Variants in ZDHHC21 observed in about 807,000 individuals in gnomAD.
The protein encoded by ZDHHC21 is zDHHC palmitoyltransferase 21, also known as palmitoyltransferase ZDHHC21.
Under a neutral mutation model 34.6 loss-of-function variants are expected in ZDHHC21, and 15 were observed. That is an observed-to-expected ratio of 0.43 (90% CI 0.29 to 0.67). ZDHHC21 has a LOEUF of 0.67. ZDHHC21 is among the 30% of genes least tolerant of loss of function. The pLI, the probability that ZDHHC21 is intolerant of heterozygous loss-of-function variation, is 0.14. For synonymous variants in ZDHHC21, 142 were observed against 101.8 expected, an observed-to-expected ratio of 1.40 and a Z score of -2.38; for missense variants, 344 against 327.7, an observed-to-expected ratio of 1.05 and a Z score of -0.38.
intron 7 of ZDHHC21, among the ~76,000 whole-genome samples, chr9:14,654,803 T>A (rs1302316868): frequency 6.6e-6 from 1 of 151,718 alleles, no homozygotes; most frequent in Admixed American, 6.6e-5. Context: ...ATAGGAAATA[T>A]CCAGAATGAA....
chr9:14,645,469 G>A (rs768166272), intron 7 of ZDHHC21, among the ~76,000 whole-genome samples: 2 of 152,058 alleles, frequency 1.3e-5, no homozygotes, highest in South Asian at 2.1e-4. Context: ...AGGTAGAAAT[G>A]GGAAAGACAG....
the ZDHHC21 span, among the ~76,000 whole-genome samples, chr9:14,595,758 G>A: frequency 4.6e-5 from 7 of 152,092 alleles, no homozygotes; most frequent in African/African-American, 1.4e-4. Flanking sequence ...TCCATTGGCT[G>A]CAAATGCCAT....
rs1036265369 is a variant in ZDHHC21, at chr9:14,615,514, A to T, written c.*3452T>A. 1 of 151,774 alleles carries T rather than the reference A, an allele frequency of 6.6e-6. No individual in the cohort carries two copies. Among genetic ancestry groups the T allele is most frequent in the African/African-American group, 2.4e-5 (1 of 41,424 alleles). The allele number at this position is 151,774 out of a possible 1,614,324, so 9.4% of individuals were successfully genotyped here. Reference sequence around the variant, plus strand: ...CAGCTATTTCTAATGTTAAGCACAAATATTTGTAATACAACTCTTAAGCAA... The same window carrying T: ...CAGCTATTTCTAATGTTAAGCACAATTATTTGTAATACAACTCTTAAGCAA... On this transcript the variant is annotated 3_prime_UTR_variant, in exon 10 of 10. Transcript: ENST00000380916.
chr9:14,609,200 G>A (rs1205884440), downstream of ZDHHC21, among the ~76,000 whole-genome samples: 1 of 152,026 alleles, frequency 6.6e-6, no homozygotes, highest in Non-Finnish European at 1.5e-5. Context: ...TTTTACTAAA[G>A]CTTGTTCTTG....
intron 7 of ZDHHC21, among the ~76,000 whole-genome samples, chr9:14,640,605 C>T (rs1198263369): frequency 1.3e-5 from 2 of 151,996 alleles, no homozygotes; most frequent in African/African-American, 2.4e-5. Context: ...CATTGTGTTA[C>T]GTAACAGAAA....
At chr9:14,606,187 A>AT (rs927882396), downstream of ZDHHC21, among the ~76,000 whole-genome samples, 57 of 152,276 alleles carry the variant, frequency 3.7e-4, no homozygotes, top group African/African-American at 1.3e-3. Flanking sequence ...CCCATCCTAT[A>AT]TACTTTTCCT....
chr9:14,597,154 G>C, the ZDHHC21 span, among the ~76,000 whole-genome samples: 1 of 152,052 alleles, frequency 6.6e-6, no homozygotes, highest in Non-Finnish European at 1.5e-5. Flanking sequence ...TTTTGGATGT[G>C]TCCCACACAC....
At chr9:14,636,743 T>C (rs1038776885) in intron 8 of ZDHHC21, among the ~76,000 whole-genome samples, 1 of 151,894 alleles carries the variant, frequency 6.6e-6, no homozygotes, top group Non-Finnish European at 1.5e-5. Context: ...TAAAAATCAA[T>C]AACAGGAGGA....
the ZDHHC21 span, among the ~76,000 whole-genome samples, chr9:14,599,546 G>A: frequency 6.6e-6 from 1 of 151,830 alleles, no homozygotes; most frequent in African/African-American, 2.4e-5. Flanking sequence ...TGAGCTAGCT[G>A]CAGGAGTTTT....
intron 6 of ZDHHC21, among the ~76,000 whole-genome samples, chr9:14,661,722 A>T (rs10125223): frequency 0.82 from 124,708 of 152,266 alleles, 51,542 homozygotes; most frequent in African/African-American, 0.92. Context: ...ACTTCCAACA[A>T]GTACATAATG....
chr9:14,603,765 TTTA>T, the ZDHHC21 span, among the ~76,000 whole-genome samples: 1 of 152,154 alleles, frequency 6.6e-6, no homozygotes, highest in Non-Finnish European at 1.5e-5. Flanking sequence ...ATCGCTGCTC[TTTA>T]TTAAGAAACA....
At chr9:14,602,908 CAGAG>C in the ZDHHC21 span, among the ~76,000 whole-genome samples, 6 of 94,730 alleles carry the variant, frequency 6.3e-5, no homozygotes, top group Non-Finnish European at 9.3e-5. Flanking sequence ...GCCTGGAAAA[CAGAG>C]AGAGAGACTT....
chr9:14,602,912 G>C, the ZDHHC21 span, among the ~76,000 whole-genome samples: 1 of 103,310 alleles, frequency 9.7e-6, no homozygotes, highest in Non-Finnish European at 1.7e-5. Context: ...GGAAAACAGA[G>C]AGAGAGACTT....
intron 2 of ZDHHC21, among the ~76,000 whole-genome samples, chr9:14,689,340 T>C (rs575964836): frequency 2.0e-5 from 3 of 152,338 alleles, no homozygotes; most frequent in Admixed American, 1.3e-4. Flanking sequence ...CAGTACTTGA[T>C]CTCAGAAGCT....
chr9:14,646,267 C>T (rs2133784955), intron 7 of ZDHHC21, among the ~76,000 whole-genome samples: 1 of 152,144 alleles, frequency 6.6e-6, no homozygotes, highest in African/African-American at 2.4e-5. Flanking sequence ...CCAAATGTTG[C>T]CCAAAAGAAA....
At chr9:14,634,093 A>C (rs1411489817) in intron 8 of ZDHHC21, among the ~76,000 whole-genome samples, 1 of 152,142 alleles carries the variant, frequency 6.6e-6, no homozygotes, top group East Asian at 1.9e-4. Context: ...TCTACAGCCC[A>C]GTCCACCATT....
In ZDHHC21 at chr9:14,657,904, T is replaced by C. The variant is rs1832560880; in HGVS notation, c.504+845A>G. Among the ~76,000 whole-genome samples, 4 of 152,192 alleles carry C rather than the reference T, an allele frequency of 2.6e-5. No homozygotes were observed. The South Asian group carries it at 8.3e-4, about 32-fold the overall frequency. ...TACTCCAGGGAATATGTACATTCTT[T>C]TACATGATCTAACTTTAATGCCAAT... is the stretch of plus-strand genomic sequence containing the variant. On this transcript the variant is annotated intron_variant, in intron 7 of 9. Transcript: ENST00000380916.
chr9:14,610,458 C>T (rs1475283382), downstream of ZDHHC21, among the ~76,000 whole-genome samples: 1 of 151,898 alleles, frequency 6.6e-6, no homozygotes, highest in Non-Finnish European at 1.5e-5. Flanking sequence ...AATAATTTAT[C>T]ACTAATCTAG....
intron 7 of ZDHHC21, among the ~76,000 whole-genome samples, chr9:14,657,577 T>C (rs899741480): frequency 2.6e-5 from 4 of 152,128 alleles, no homozygotes; most frequent in Admixed American, 6.5e-5. Context: ...CCACAACTAT[T>C]CAGTTCTGCT....
Sources: allele counts gnomAD v4.1 joint callset (sites outside exome capture counted in the v4.1 genomes callset), GRCh38; gene constraint gnomAD v4.1.1; transcripts MANE v1.5; gene names NCBI Gene and HGNC (gene_info 2026-07-23, HGNC 2026-07-21).